Variants in TULP3 observed in about 807,000 individuals in gnomAD.
TULP3 encodes the protein tubby-related protein 3.
Under a neutral mutation model 50.7 loss-of-function variants are expected in TULP3, and 38 were observed. The ratio of observed to expected loss-of-function variants is 0.75; its 90% CI spans 0.58 to 0.98. The LOEUF is 0.98. Among genes scored for constraint, TULP3 ranks in the 50% least tolerant of loss-of-function variants. The probability of loss-of-function intolerance (pLI) is 0.00; values close to 1 mark genes in which losing one functional copy is unlikely to be tolerated. For synonymous variants in TULP3, 183 were observed against 196.6 expected (o/e 0.93, Z 0.58); for missense variants, 550 against 568.0 (o/e 0.97, Z 0.32).
chr12:2,898,760 G>A (rs962933915), intron 1 of TULP3, among the ~76,000 whole-genome samples: 10 of 151,938 alleles, frequency 6.6e-5, no homozygotes, highest in Non-Finnish European at 1.3e-4. Flanking sequence ...GCCCACAACA[G>A]CCTTGAACTC....
At chr12:2,899,616 G>C (rs1247849633) in intron 1 of TULP3, among the ~76,000 whole-genome samples, 1 of 152,120 alleles carries the variant, frequency 6.6e-6, no homozygotes, top group Non-Finnish European at 1.5e-5. Flanking sequence ...GGCGGGGGCC[G>C]GGCGTGGTGG....
Position 2,939,794 on chromosome 12 carries a change from G to C in TULP3, c.*350G>C. The C allele has an allele frequency of 8.4e-7, 1 of 1,194,768 alleles. No homozygotes were observed. Among genetic ancestry groups the C allele is most frequent in the Non-Finnish European group, 1.1e-6 (1 of 946,070 alleles). 74.0% of individuals were successfully genotyped at this position (1,194,768 alleles called of 1,614,324 possible). ...GTTTGCCCCTTTTGGAACGACCCCT[G>C]AATATATAAAACACACACACACCCC... is the stretch of plus-strand genomic sequence containing the variant. On this transcript the variant is annotated 3_prime_UTR_variant, in exon 11 of 11. Transcript: ENST00000448120. The surrounding 1 kb of genome is among the most constrained non-coding windows in gnomAD (Gnocchi z 4.0).
intron 1 of TULP3, among the ~76,000 whole-genome samples, chr12:2,897,527 G>A (rs1231431931): frequency 1.3e-5 from 2 of 152,202 alleles, no homozygotes; most frequent in East Asian, 3.9e-4. Context: ...CACTTAGGGA[G>A]GCTGAGGCAG....
Position 2,938,219 on chromosome 12 carries a change from C to T in TULP3, c.1129C>T (p.Leu377Phe). The change falls in exon 10 of 11, where the codon CTC (leucine) becomes TTC (phenylalanine). Residue 377 changes from leucine (L) to phenylalanine (F), a missense_variant. Transcript: ENST00000448120. ...GAACAGTGACACTCAGTCCTATGTC[C>T]TCAACTTCCGTGGCCGGGTCACTCA... ...VWNSDTQSYV[L>F]NFRGRVTQAS... The T allele has an allele frequency of 6.2e-7, 1 of 1,614,182 alleles. No individual in the cohort carries two copies.
chr12:2,894,576 CAAA>C (rs1177993135), intron 1 of TULP3, among the ~76,000 whole-genome samples: 1 of 148,342 alleles, frequency 6.7e-6, no homozygotes, highest in African/African-American at 2.5e-5. Flanking sequence ...CGCACGCACA[CAAA>C]AAAGAGATCT....
At chr12:2,903,149 A>G (rs934203901) in intron 1 of TULP3, among the ~76,000 whole-genome samples, 1 of 152,118 alleles carries the variant, frequency 6.6e-6, no homozygotes, top group Non-Finnish European at 1.5e-5. Flanking sequence ...GGCATAAGCC[A>G]CTGCACCTGG....
intron 4 of TULP3, among the ~76,000 whole-genome samples, chr12:2,927,276 G>A (rs934946426): frequency 6.0e-5 from 9 of 150,916 alleles, no homozygotes; most frequent in Non-Finnish European, 1.2e-4. Context: ...GCTGATGGAC[G>A]TTTGATTGTT....
At chr12:2,917,427 G>T (rs568560510) in intron 2 of TULP3, among the ~76,000 whole-genome samples, 1 of 150,984 alleles carries the variant, frequency 6.6e-6, no homozygotes, top group East Asian at 2.0e-4. Flanking sequence ...AGCCGAGATC[G>T]CACCACTGCA....
rs2098192312 is a variant in TULP3 at position 2,922,374 on chromosome 12, A to C, written c.366A>C (p.Pro122=). ...ACACCGTGGATACTGCTTCCAAGCCAGGACTTCAGGAGCGTCTCCAAAAGC... is the reference window on the plus strand; with the variant it reads ...ACACCGTGGATACTGCTTCCAAGCCCGGACTTCAGGAGCGTCTCCAAAAGC... ...AENTVDTASK[P]GLQERLQKHD... The change falls in exon 4 of 11, where the codon CCA becomes CCC. Residue 122 remains proline (P), a synonymous_variant. Coordinates refer to ENST00000448120, the MANE Select transcript of TULP3 (RefSeq NM_003324.5). The C allele has an allele frequency of 6.2e-7, 1 of 1,613,966 alleles. No individual in the cohort carries two copies. Among genetic ancestry groups the C allele is most frequent in the Non-Finnish European group, 8.5e-7 (1 of 1,180,026 alleles).
chr12:2,924,141 T>G (rs2098193372), intron 4 of TULP3, among the ~76,000 whole-genome samples: 1 of 152,178 alleles, frequency 6.6e-6, no homozygotes, highest in Non-Finnish European at 1.5e-5. Flanking sequence ...AGGCTAGAGC[T>G]AGAAAATCAA....
chr12:2,909,638 T>C, intron 2 of TULP3, 58 bp downstream of exon 2: 5 of 1,493,916 alleles, frequency 3.3e-6, no homozygotes, highest in Non-Finnish European at 2.7e-6. Flanking sequence ...GTGATGCTGA[T>C]GGTCTTGGCT....
chr12:2,906,759 T>C (rs192136538), intron 1 of TULP3, among the ~76,000 whole-genome samples: 182 of 149,492 alleles, frequency 1.2e-3, no homozygotes, highest in African/African-American at 4.3e-3. Flanking sequence ...CTACTAAAAA[T>C]ACAAAAATTA....
chr12:2,916,870 T>G (rs142584562), intron 2 of TULP3, among the ~76,000 whole-genome samples: 13 of 152,360 alleles, frequency 8.5e-5, no homozygotes, highest in African/African-American at 2.9e-4. Flanking sequence ...TGGCCCTGAT[T>G]ACAGTTTGAG....
chr12:2,924,907 A>G (rs2098193832), intron 4 of TULP3, among the ~76,000 whole-genome samples: 1 of 151,918 alleles, frequency 6.6e-6, no homozygotes, highest in Non-Finnish European at 1.5e-5. Flanking sequence ...GCTGGGCGCT[A>G]TGGCTTATGC....
chr12:2,892,341 A>G (rs554162877), intron 1 of TULP3, among the ~76,000 whole-genome samples: 1 of 152,166 alleles, frequency 6.6e-6, no homozygotes, highest in Non-Finnish European at 1.5e-5. Flanking sequence ...AGTATTCAGC[A>G]TCTCTGGTTG....
chr12:2,940,753 C>A lies in TULP3; in HGVS notation c.*1309C>A. 3 of 1,531,630 alleles carry A rather than the reference C, an allele frequency of 2.0e-6. No individual in the cohort carries two copies. The highest frequency in any genetic ancestry group is 2.6e-6 in the Non-Finnish European group (3 of 1,135,030). 94.9% of individuals were successfully genotyped at this position (1,531,630 alleles called of 1,614,324 possible). On this transcript the variant is annotated 3_prime_UTR_variant, in exon 11 of 11. Transcript: ENST00000448120. ...GGAGGGCCAACTGGCAGCTGCGGGA[C>A]CCTTGGCTTGTCCCCCACCGACAAG...
At chr12:2,936,793 C>G (rs1284944606) in intron 8 of TULP3, among the ~76,000 whole-genome samples, 3 of 142,946 alleles carry the variant, frequency 2.1e-5, no homozygotes, top group African/African-American at 7.7e-5. Flanking sequence ...CCAAGAGATT[C>G]TGTTTTAAAT....
chr12:2,930,349 T>C lies in TULP3; in HGVS notation c.492+4T>C, dbSNP rs199786426. On this transcript the variant is annotated splice_donor_region_variant and intron_variant, in intron 5 of 10. Transcript: ENST00000448120. ...TGCATCAAGCCAGAATTCAACCGTA[T>C]GTAGTTCTGAAACTTCTTCCATTAG... 1.5e-4 allele frequency: 246 copies of C among 1,601,884 alleles called. 1 individual carries two copies. In the African/African-American group the frequency reaches 2.5e-3, roughly 16 times the overall value.
At chr12:2,905,633 C>T (rs2153948516) in intron 1 of TULP3, among the ~76,000 whole-genome samples, 2 of 152,180 alleles carry the variant, frequency 1.3e-5, no homozygotes, top group South Asian at 4.2e-4. Context: ...TTTATTGTCT[C>T]TTCTGTTCGG....
Sources: gnomAD v4.1 joint callset for allele counts (sites outside exome capture counted in the v4.1 genomes callset) on GRCh38, gnomAD v4.1.1 for gene constraint, Gnocchi (gnomAD v3.1) non-coding constraint, MANE v1.5 for transcripts, NCBI Gene and HGNC (gene_info 2026-07-23, HGNC 2026-07-21) for gene names.